The following CLDN14 variants were observed in gnomAD, a reference collection of about 807,000 sequenced individuals.
The protein encoded by CLDN14 is claudin 14, also known as claudin-14.
Under a neutral mutation model 2.1 loss-of-function variants are expected in CLDN14, and 2 were observed. That is an observed-to-expected ratio of 0.96 (90% CI 0.39 to 3.01). The LOEUF is 3.01. CLDN14 is among the 30% of genes most tolerant of loss of function. The probability of loss-of-function intolerance (pLI) is 0.09; values close to 1 mark genes in which losing one functional copy is unlikely to be tolerated. For missense variants in CLDN14, 298 were observed against 328.0 expected (o/e 0.91, Z 0.71); for synonymous variants, 136 against 154.4 (o/e 0.88, Z 0.88).
At chr21:36,497,590 A>G (rs2087049492) in intron 2 of CLDN14, among the ~76,000 whole-genome samples, 1 of 152,014 alleles carries the variant, frequency 6.6e-6, no homozygotes, top group Admixed American at 6.6e-5. Context: ...AAAATATCCA[A>G]CTTCAAAGGT....
At chr21:36,509,292 GA>G (rs2087163988) in intron 2 of CLDN14, among the ~76,000 whole-genome samples, 1 of 152,218 alleles carries the variant, frequency 6.6e-6, no homozygotes, top group Non-Finnish European at 1.5e-5. Flanking sequence ...ACAGGCTGGA[GA>G]ACGCAACTGG....
intron 1 of CLDN14, among the ~76,000 whole-genome samples, chr21:36,556,180 G>C (rs2087598150): frequency 6.6e-6 from 1 of 152,128 alleles, no homozygotes; most frequent in South Asian, 2.1e-4. Flanking sequence ...AAGGGACTTA[G>C]GGACTTGCCA....
intron 1 of CLDN14, among the ~76,000 whole-genome samples, chr21:36,571,524 T>C (rs1463123092): frequency 6.6e-6 from 1 of 152,178 alleles, no homozygotes; most frequent in African/African-American, 2.4e-5. Flanking sequence ...CTTCAATGCT[T>C]AGAAACACTC....
Position 36,479,488 on chromosome 21 carries a change from A to C in CLDN14, c.-82+7T>G. ...ACCCCACATCCACAGCTTCACCCCAAACTCACATGCAGAAAACCTCGAGTC... is the reference window on the plus strand; with the variant it reads ...ACCCCACATCCACAGCTTCACCCCACACTCACATGCAGAAAACCTCGAGTC... On this transcript the variant is annotated splice_region_variant and intron_variant, in intron 1 of 1. Coordinates refer to ENST00000399135, the MANE Select transcript of CLDN14 (RefSeq NM_001146079.2). The C allele has an allele frequency of 9.5e-6, 1 of 105,520 alleles. No individual in the cohort carries two copies. 6.5% of individuals were successfully genotyped at this position (105,520 alleles called of 1,614,324 possible).
intron 2 of CLDN14, among the ~76,000 whole-genome samples, chr21:36,494,708 G>A (rs190862254): frequency 6.6e-6 from 1 of 152,308 alleles, no homozygotes; most frequent in East Asian, 1.9e-4. Flanking sequence ...ATGGCACAGG[G>A]ACAAGACAGC....
intron 2 of CLDN14, chr21:36,485,861 T>G (rs1410746492): frequency 3.7e-6 from 2 of 545,430 alleles, no homozygotes; most frequent in Non-Finnish European, 3.2e-6. Context: ...TCCTTTTTTT[T>G]TTTTTTATGT....
Position 36,468,578 on chromosome 21 carries a change from A to G in CLDN14, c.-81-6802T>C, listed in dbSNP as rs183594309. Among the ~76,000 whole-genome samples the G allele has an allele frequency of 3.1e-3, 465 of 151,726 alleles. 2 individuals are homozygous for G. Among genetic ancestry groups the G allele is most frequent in the Non-Finnish European group, 4.6e-3 (315 of 67,964 alleles). On this transcript the variant is annotated intron_variant, in intron 1 of 1. Transcript: ENST00000399135. Reference sequence around the variant, plus strand: ...ACTCTGTCTCAAACAAAAGAAAATAAACAAAATCATAAATGCTTGAATTTA... The same window carrying G: ...ACTCTGTCTCAAACAAAAGAAAATAGACAAAATCATAAATGCTTGAATTTA...
intron 1 of CLDN14, among the ~76,000 whole-genome samples, chr21:36,522,174 C>T (rs1483077681): frequency 6.6e-6 from 1 of 152,090 alleles, no homozygotes; most frequent in Non-Finnish European, 1.5e-5. Flanking sequence ...CTTCTTTTCA[C>T]GTCCAATATA....
chr21:36,529,207 TG>T (rs766364014), intron 1 of CLDN14, among the ~76,000 whole-genome samples: 14 of 152,222 alleles, frequency 9.2e-5, no homozygotes, highest in Non-Finnish European at 1.3e-4. Flanking sequence ...TTATATCTAA[TG>T]GTAGTTTTTA....
chr21:36,481,332 C>T (rs55723668), upstream of CLDN14, among the ~76,000 whole-genome samples: 9,923 of 152,182 alleles, frequency 0.065, 414 homozygotes, highest in East Asian at 0.17. Context: ...CTTTGCTGAA[C>T]ACCATTTTAA....
rs1018957012 is a variant in CLDN14 at position 36,536,956 on chromosome 21, C to T, written c.-219-26456G>A. Among the ~76,000 whole-genome samples the T allele has an allele frequency of 3.3e-5, 5 of 152,222 alleles. No individual in the cohort carries two copies. The East Asian group carries it at 7.7e-4, about 24-fold the overall frequency. ...CTGTAATCCCAGCACTTTGGGAGGC[C>T]GAGGCAGGTGGATCACCTGAGGCTG... On this transcript the variant is annotated intron_variant, in intron 1 of 2. Transcript: ENST00000342108.
At chr21:36,490,616 T>C (rs900817452) in intron 2 of CLDN14, among the ~76,000 whole-genome samples, 2 of 151,476 alleles carry the variant, frequency 1.3e-5, no homozygotes, top group African/African-American at 4.8e-5. Flanking sequence ...TTCAAACTCC[T>C]GACCTCAAGG....
chr21:36,548,585 G>A (rs888379770), intron 1 of CLDN14, among the ~76,000 whole-genome samples: 5 of 152,212 alleles, frequency 3.3e-5, no homozygotes, highest in African/African-American at 1.2e-4. Flanking sequence ...CTTCTCCAGG[G>A]TGGAGACCAA....
intron 1 of CLDN14, among the ~76,000 whole-genome samples, chr21:36,527,230 T>G (rs1205642381): frequency 2.0e-5 from 3 of 152,194 alleles, no homozygotes; most frequent in Non-Finnish European, 4.4e-5. Flanking sequence ...AATGAAAAAT[T>G]GCCAACTTCT....
chr21:36,497,275 A>G (rs1445422893), intron 2 of CLDN14, among the ~76,000 whole-genome samples: 38 of 4,052 alleles, frequency 9.4e-3, no homozygotes, highest in Admixed American at 0.017. Flanking sequence ...GGGAGGAAGG[A>G]AGGGAGGGAG....
intron 1 of CLDN14, among the ~76,000 whole-genome samples, chr21:36,478,315 T>C: frequency 6.6e-6 from 1 of 152,134 alleles, no homozygotes; most frequent in East Asian, 1.9e-4. Flanking sequence ...CAGATAAGGA[T>C]GGGGGCTGGC....
At position 36,480,120 on chromosome 21, in the gene CLDN14, G is replaced by A. The variant is rs955345220; in HGVS notation, c.-707C>T. The A allele has an allele frequency of 2.0e-5, 3 of 152,432 alleles. No individual in the cohort carries two copies. Among genetic ancestry groups the A allele is most frequent in the African/African-American group, 4.8e-5 (2 of 41,454 alleles). The allele number at this position is 152,432 out of a possible 1,614,324, so 9.4% of individuals were successfully genotyped here. A position where few individuals can be genotyped will look rare whatever the true frequency, so the allele number is the denominator to read the frequency against. The stretch of plus-strand genomic sequence containing the variant: ...TCCTCACACTGCTTTGGACTTTTCT[G>A]CTATTGAGTAACTCAGCTTCTCAGC... On this transcript the variant is annotated 5_prime_UTR_variant, in exon 1 of 2. Transcript: ENST00000399135.
At chr21:36,575,908 C>T (rs1036498522) in intron 1 of CLDN14, among the ~76,000 whole-genome samples, 2 of 152,202 alleles carry the variant, frequency 1.3e-5, no homozygotes, top group African/African-American at 4.8e-5. Flanking sequence ...GAGACTGTAA[C>T]GACATTTCTG....
intron 1 of CLDN14, among the ~76,000 whole-genome samples, chr21:36,574,216 A>G (rs544298275): frequency 1.6e-3 from 249 of 152,346 alleles, no homozygotes; most frequent in African/African-American, 5.6e-3. Flanking sequence ...ATGCAAATCA[A>G]CTGAATTAAC....
Sources: allele counts gnomAD v4.1 joint callset (sites outside exome capture counted in the v4.1 genomes callset), GRCh38; gene constraint gnomAD v4.1.1; transcripts MANE v1.5; gene names NCBI Gene and HGNC (gene_info 2026-07-23, HGNC 2026-07-21).